The following CLEC12A variants were observed in gnomAD, a reference collection of about 807,000 sequenced individuals.
The protein encoded by CLEC12A is C-type lectin protein CLL-1.
In CLEC12A, 22 loss-of-function variants were observed where a neutral mutation model predicts 26.5. The observed-to-expected ratio is 0.83, with a 90% CI of 0.59 to 1.19. The LOEUF is 1.19. Ranked by LOEUF, CLEC12A falls within the 50% of genes most tolerant of loss-of-function variation. The pLI, the probability that CLEC12A is intolerant of heterozygous loss-of-function variation, is 0.00. For synonymous variants in CLEC12A, 119 were observed against 101.9 expected (o/e 1.17, Z -1.01); for missense variants, 353 against 315.6 (o/e 1.12, Z -0.90).
At chr12:9,965,300 G>A (rs553060853) in intron 1 of CLEC12A, among the ~76,000 whole-genome samples, 201 of 152,280 alleles carry the variant, frequency 1.3e-3, no homozygotes, top group African/African-American at 4.7e-3. Context: ...TTTTGTAGAA[G>A]GGATTGGGGT....
At chr12:9,971,315 T>C (rs1210767222), upstream of CLEC12A, 29 of 762,300 alleles carry the variant, frequency 3.8e-5, no homozygotes, top group Non-Finnish European at 3.9e-5. Flanking sequence ...TTGGTAAATA[T>C]ATAGAAATTG....
At chr12:10,002,635 G>A in the CLEC12A span, among the ~76,000 whole-genome samples, 1 of 151,686 alleles carries the variant, frequency 6.6e-6, no homozygotes, top group Admixed American at 6.6e-5. Flanking sequence ...ATAGAGACGG[G>A]GTTTCACCGT....
intron 1 of CLEC12A, among the ~76,000 whole-genome samples, chr12:9,973,229 G>T (rs1367268549): frequency 6.6e-6 from 1 of 152,110 alleles, no homozygotes; most frequent in South Asian, 2.1e-4. Flanking sequence ...GAGAGGCCAA[G>T]ATGGGAGGAT....
intron 1 of CLEC12A, 128 bp from the exon 2 acceptor site, chr12:9,978,838 C>G: frequency 4.5e-6 from 3 of 662,890 alleles, no homozygotes; most frequent in Non-Finnish European, 8.1e-6. Flanking sequence ...GAATGGCTAG[C>G]AAATCCATTT....
At chr12:9,958,956 TACAC>T (rs2137100349) in intron 1 of CLEC12A, among the ~76,000 whole-genome samples, 1 of 152,346 alleles carries the variant, frequency 6.6e-6, no homozygotes, top group East Asian at 1.9e-4. Flanking sequence ...TGAATGCACT[TACAC>T]ACAGACATAT....
exon 5 of CLEC12A, chr12:9,995,069 TG>T: frequency 6.3e-7 from 1 of 1,599,928 alleles, no homozygotes; most frequent in Non-Finnish European, 8.5e-7. Context: ...TGACTTGGAC[TG>T]AGAGAAGAGG....
intron 1 of CLEC12A, chr12:9,952,584 G>A: frequency 5.9e-6 from 1 of 168,552 alleles, no homozygotes; most frequent in Non-Finnish European, 1.2e-5. Flanking sequence ...TGCAGCCTCT[G>A]CCCGGCCGCC....
chr12:10,003,958 A>C, the CLEC12A span, among the ~76,000 whole-genome samples: 1 of 152,164 alleles, frequency 6.6e-6, no homozygotes, highest in Non-Finnish European at 1.5e-5. Context: ...ATCTAACCTC[A>C]TCTAATCCAC....
downstream of CLEC12A, chr12:9,996,834 G>C (rs751521402): frequency 6.2e-7 from 1 of 1,613,754 alleles, no homozygotes; most frequent in South Asian, 1.1e-5. Flanking sequence ...TTTGACATAA[G>C]AATCTTCTTA....
At chr12:9,992,468 C>T (rs902130069) in intron 4 of CLEC12A, 1 of 151,956 alleles carries the variant, frequency 6.6e-6, no homozygotes, top group East Asian at 1.9e-4. Flanking sequence ...GTTTTGTGAG[C>T]CAGGGTTTCG....
intron 1 of CLEC12A, among the ~76,000 whole-genome samples, chr12:9,957,497 A>C (rs866240409): frequency 2.6e-4 from 39 of 152,032 alleles, no homozygotes; most frequent in East Asian, 5.8e-4. Context: ...TCTCAAAAAA[A>C]AAAAAAACAA....
intron 1 of CLEC12A, chr12:9,951,468 C>T (rs1276486744): frequency 2.9e-6 from 2 of 695,854 alleles, no homozygotes; most frequent in Non-Finnish European, 5.3e-6. Context: ...AGAGAGGAAG[C>T]ACCCTGACTG....
At chr12:9,994,944 TTAGA>T (rs1434896065) in intron 4 of CLEC12A, 6 of 1,409,146 alleles carry the variant, frequency 4.3e-6, no homozygotes, top group Admixed American at 2.2e-5. Flanking sequence ...GGATTGTGGC[TTAGA>T]TAAAGAGCAA....
intron 1 of CLEC12A, among the ~76,000 whole-genome samples, chr12:9,957,466 TG>T (rs1473217831): frequency 9.4e-3 from 28 of 2,978 alleles, no homozygotes; most frequent in Non-Finnish European, 0.034. Context: ...CCAGCCTGGG[TG>T]ATGACAGAGT....
At chr12:9,994,883 A>G (rs896271576) in intron 4 of CLEC12A, 5 of 803,526 alleles carry the variant, frequency 6.2e-6, no homozygotes, top group Non-Finnish European at 9.0e-6. Context: ...ACAGTGTTCC[A>G]TGGTAAGGTT....
At chr12:9,996,505 T>C (rs1865051165), downstream of CLEC12A, among the ~76,000 whole-genome samples, 1 of 151,286 alleles carries the variant, frequency 6.6e-6, no homozygotes, top group African/African-American at 2.4e-5. Context: ...TGCGTCTGAG[T>C]CCACAGAAAC....
At chr12:9,982,235 T>C (rs2137196145) in intron 5 of CLEC12A, 106 bp downstream of exon 5, 1 of 649,626 alleles carries the variant, frequency 1.5e-6, no homozygotes, top group Non-Finnish European at 2.7e-6. Context: ...TGAAATTGCA[T>C]GCTAAAAGAA....
intron 4 of CLEC12A, chr12:9,993,121 T>C: frequency 6.2e-7 from 1 of 1,600,352 alleles, no homozygotes; most frequent in Non-Finnish European, 8.5e-7. Context: ...CTTATCTGTG[T>C]TATCCTGTCC....
chr12:10,003,422 A>G, the CLEC12A span, among the ~76,000 whole-genome samples: 1 of 152,346 alleles, frequency 6.6e-6, no homozygotes, highest in South Asian at 2.1e-4. Flanking sequence ...CGCAAAGTTG[A>G]TCAGGCATAT....
Sources: allele counts gnomAD v4.1 joint callset (sites outside exome capture counted in the v4.1 genomes callset), GRCh38; gene constraint gnomAD v4.1.1; transcripts MANE v1.5; gene names NCBI Gene and HGNC (gene_info 2026-07-23, HGNC 2026-07-21).